The following SPOCK1 variants were observed in gnomAD, a reference collection of about 807,000 sequenced individuals.
The protein encoded by SPOCK1 is testican-1.
A neutral mutation model predicts 55.3 loss-of-function variants in SPOCK1; 23 were observed. The observed-to-expected ratio is 0.42, with a 90% CI of 0.30 to 0.59. SPOCK1 has a LOEUF of 0.59. SPOCK1 is among the 20% of genes least tolerant of loss of function. SPOCK1 has a pLI of 0.22. For missense variants in SPOCK1, 499 were observed against 552.5 expected (o/e 0.90, Z 0.97); for synonymous variants, 226 against 221.0 (o/e 1.02, Z -0.20).
chr5:137,490,371 G>A (rs1580956552), intron 2 of SPOCK1, among the ~76,000 whole-genome samples: 1 of 152,140 alleles, frequency 6.6e-6, no homozygotes, highest in Admixed American at 6.5e-5. Context: ...CAAGAAGCAG[G>A]TGCTAGCCCC....
chr5:137,487,806 T>A (rs1349116192), intron 2 of SPOCK1, among the ~76,000 whole-genome samples: 1 of 152,162 alleles, frequency 6.6e-6, no homozygotes, highest in Non-Finnish European at 1.5e-5. Context: ...TGTTATTCCA[T>A]TCCAGGAAAA....
At chr5:137,295,950 T>G (rs1395625837) in intron 2 of SPOCK1, among the ~76,000 whole-genome samples, 1 of 152,168 alleles carries the variant, frequency 6.6e-6, no homozygotes, top group Non-Finnish European at 1.5e-5. Flanking sequence ...CTCCCCCAGA[T>G]TTTTTGTTGA....
chr5:137,302,312 G>A (rs1048657995), intron 2 of SPOCK1, among the ~76,000 whole-genome samples: 1 of 151,944 alleles, frequency 6.6e-6, no homozygotes, highest in Non-Finnish European at 1.5e-5. Flanking sequence ...GCTCACGCCT[G>A]TAATCCCAGC....
At chr5:137,115,618 G>A (rs1238590227) in intron 4 of SPOCK1, among the ~76,000 whole-genome samples, 4 of 152,082 alleles carry the variant, frequency 2.6e-5, no homozygotes, top group Non-Finnish European at 5.9e-5. Flanking sequence ...CACGTTGGGG[G>A]CTCTGGGCAC....
intron 5 of SPOCK1, among the ~76,000 whole-genome samples, chr5:137,104,843 C>T (rs1256048907): frequency 6.6e-6 from 1 of 152,020 alleles, no homozygotes; most frequent in East Asian, 1.9e-4. Flanking sequence ...AATAATTATA[C>T]AACATTGTGT....
At chr5:137,035,280 C>T (rs1026470965) in intron 6 of SPOCK1, among the ~76,000 whole-genome samples, 3 of 152,284 alleles carry the variant, frequency 2.0e-5, no homozygotes, top group African/African-American at 2.4e-5. Flanking sequence ...TCAGCCCCTG[C>T]GGCTCCCCCA....
chr5:136,996,610 G>A (rs185412490), intron 6 of SPOCK1, among the ~76,000 whole-genome samples: 1 of 152,214 alleles, frequency 6.6e-6, no homozygotes, highest in East Asian at 1.9e-4. Context: ...AAGCCAGCTA[G>A]ACTTCCTGGG....
chr5:137,419,346 T>A lies in SPOCK1; in HGVS notation c.186+79027A>T, dbSNP rs1752430930. 2.0e-5 allele frequency among the ~76,000 whole-genome samples: 3 copies of A among 152,236 alleles called. No individual in the cohort carries two copies. In the South Asian group the frequency reaches 6.2e-4, roughly 32 times the overall value. ...TTTCCAATTCTGTGAAGAAAGTCAT[T>A]GGTAGCTTGATGGGGATGGCATTGA... On this transcript the variant is annotated intron_variant, in intron 2 of 10. Coordinates refer to ENST00000394945, the MANE Select transcript of SPOCK1 (RefSeq NM_004598.4).
At chr5:137,278,539 T>C (rs745462219) in intron 2 of SPOCK1, among the ~76,000 whole-genome samples, 1 of 152,090 alleles carries the variant, frequency 6.6e-6, no homozygotes. Flanking sequence ...GCCCACCACA[T>C]GGGTAGAACA....
intron 3 of SPOCK1, among the ~76,000 whole-genome samples, chr5:137,159,895 C>G (rs1335012486): frequency 6.6e-6 from 1 of 152,044 alleles, no homozygotes; most frequent in African/African-American, 2.4e-5. Context: ...AATTTTTTTG[C>G]CAATCCATGT....
chr5:137,279,477 C>T (rs368617919), intron 2 of SPOCK1, among the ~76,000 whole-genome samples: 2 of 152,144 alleles, frequency 1.3e-5, no homozygotes, highest in African/African-American at 2.4e-5. Flanking sequence ...CACAGTGGAG[C>T]GAGAGAGGAC....
intron 3 of SPOCK1, among the ~76,000 whole-genome samples, chr5:137,259,795 G>C (rs1255420640): frequency 6.6e-6 from 1 of 151,854 alleles, no homozygotes; most frequent in Non-Finnish European, 1.5e-5. Flanking sequence ...TTCAACTCTT[G>C]CTCTTTCCTC....
At chr5:137,119,535 T>A (rs924998193) in intron 4 of SPOCK1, among the ~76,000 whole-genome samples, 2 of 152,162 alleles carry the variant, frequency 1.3e-5, no homozygotes, top group African/African-American at 2.4e-5. Flanking sequence ...AGATTTTCCA[T>A]CGTGGGGTAT....
At chr5:137,420,932 T>C (rs898696449) in intron 2 of SPOCK1, among the ~76,000 whole-genome samples, 1 of 152,344 alleles carries the variant, frequency 6.6e-6, no homozygotes, top group South Asian at 2.1e-4. Context: ...TTGTGGGCAT[T>C]TAGTGCTATA....
chr5:137,086,367 G>A lies in SPOCK1; in HGVS notation c.475-18538C>T, dbSNP rs527469604. On this transcript the variant is annotated intron_variant, in intron 5 of 10. Transcript: ENST00000394945. ...AAGGACAGTAGCAGCATCTCTGCTG[G>A]GAAGACACCGCACCCAGGCCACAAA... Among the ~76,000 whole-genome samples, 185 of 152,322 alleles carry A rather than the reference G, an allele frequency of 1.2e-3. 1 individual carries two copies. The highest frequency in any genetic ancestry group is 4.3e-3 in the African/African-American group (180 of 41,582).
rs768230535 is a variant in SPOCK1 at position 136,992,504 on chromosome 5, C to T, written c.686G>A (p.Ser229Asn). The change falls in exon 7 of 11, where the codon AGC becomes AAC. Residue 229 changes from serine to asparagine, a missense_variant. Transcript: ENST00000394945. ...EDANRVIKPT[S>N]SNTAQGRFDT... ...CTTACTGCCTTGGGCTGTGTTGGAG[C>T]TGGTGGGCTTGATGACTCTGTTCGC... The T allele has an allele frequency of 6.2e-7, 1 of 1,613,116 alleles. No homozygotes were observed. The highest frequency in any genetic ancestry group is 1.1e-5 in the South Asian group (1 of 90,902).
At chr5:137,138,528 C>CACACACCA (rs1554099620) in intron 4 of SPOCK1, among the ~76,000 whole-genome samples, 2 of 114,886 alleles carry the variant, frequency 1.7e-5, no homozygotes, top group African/African-American at 2.8e-5. Flanking sequence ...CACACACACA[C>CACACACCA]CACACACACA....
chr5:137,404,432 C>CA (rs1270022134), intron 2 of SPOCK1, among the ~76,000 whole-genome samples: 1 of 138,044 alleles, frequency 7.2e-6, no homozygotes, highest in Non-Finnish European at 1.5e-5. Context: ...TTTTTTGAGA[C>CA]AGAGTCTTGC....
rs34202986 is a variant in SPOCK1 at position 137,023,960 on chromosome 5, A to ATTTTTTT, written c.590-31367_590-31361dup. Among the ~76,000 whole-genome samples the ATTTTTTT allele has an allele frequency of 7.7e-5, 10 of 129,868 alleles. 1 individual carries two copies. Among genetic ancestry groups the ATTTTTTT allele is most frequent in the Non-Finnish European group, 1.1e-4 (7 of 62,446 alleles). 85.2% of individuals were successfully genotyped at this position (129,868 alleles called of 152,430 possible). A position where few individuals can be genotyped will look rare whatever the true frequency, so the allele number is the denominator to read the frequency against. The stretch of plus-strand genomic sequence containing the variant: ...TCTAATTAGCAAGTGTCAATATAGT[A>ATTTTTTT]TTTTTTTTTTTTTTTTTTGCTAACT... On this transcript the variant is annotated intron_variant, in intron 6 of 10. Coordinates refer to ENST00000394945, the MANE Select transcript of SPOCK1 (RefSeq NM_004598.4).
Sources: gnomAD v4.1 joint callset for allele counts (sites outside exome capture counted in the v4.1 genomes callset) on GRCh38, gnomAD v4.1.1 for gene constraint, MANE v1.5 for transcripts, NCBI Gene and HGNC (gene_info 2026-07-23, HGNC 2026-07-21) for gene names.